The following TCF7L2 variants were observed in gnomAD, a reference collection of about 807,000 sequenced individuals.
TCF7L2 encodes the protein transcription factor 7 like 2.
TCF7L2 carries 23 observed loss-of-function variants against 77.9 expected under a neutral mutation model. That is an observed-to-expected ratio of 0.30 (90% CI 0.21 to 0.42). The LOEUF (loss-of-function observed/expected upper bound fraction) is 0.42. Ranked by LOEUF, TCF7L2 falls within the 10% of genes least tolerant of loss-of-function variation. TCF7L2 has a pLI of 1.00. For missense variants in TCF7L2, 654 were observed against 793.1 expected, an observed-to-expected ratio of 0.82 and a Z score of 2.11; for synonymous variants, 413 against 340.2, an observed-to-expected ratio of 1.21 and a Z score of -2.36.
At chr10:113,065,746 T>C (rs1404952836) in intron 5 of TCF7L2, among the ~76,000 whole-genome samples, 1 of 152,062 alleles carries the variant, frequency 6.6e-6, no homozygotes, top group East Asian at 1.9e-4. Context: ...ATCTGTAAAG[T>C]AAGGAAAATA....
chr10:113,050,354 G>A (rs2054210298), intron 5 of TCF7L2, among the ~76,000 whole-genome samples: 2 of 152,148 alleles, frequency 1.3e-5, no homozygotes, highest in African/African-American at 4.8e-5. Context: ...GTACAGCCTT[G>A]GGGACTGAGC....
At chr10:113,122,404 G>C (rs1191993377) in intron 5 of TCF7L2, among the ~76,000 whole-genome samples, 1 of 152,174 alleles carries the variant, frequency 6.6e-6, no homozygotes, top group Non-Finnish European at 1.5e-5. Context: ...TAAAAAACTT[G>C]TTAGATTAAA....
intron 1 of TCF7L2, 21 bp from the exon 2 acceptor site, chr10:112,951,186 C>T (rs757049118): frequency 1.5e-5 from 23 of 1,579,636 alleles, no homozygotes; most frequent in Non-Finnish European, 1.8e-5. Context: ...TCGCCCTCCC[C>T]ACCTCCACCC....
At chr10:113,132,014 T>C (rs946268363) in intron 5 of TCF7L2, 2 of 152,252 alleles carry the variant, frequency 1.3e-5, no homozygotes, top group African/African-American at 4.8e-5. Context: ...GTGTTATTTA[T>C]TCTGGCTGTA....
chr10:112,956,098 C>A (rs886884518), intron 3 of TCF7L2, among the ~76,000 whole-genome samples: 1 of 152,044 alleles, frequency 6.6e-6, no homozygotes, highest in African/African-American at 2.4e-5. Context: ...ACAGGCCCCC[C>A]TGAATCACAT....
At position 112,950,444 on chromosome 10, in the gene TCF7L2, TTGG is replaced by T. The variant is rs1426519332; in HGVS notation, c.-310_-308del. ...CTTTATATCTGACTTCTTGTTGTTG[TTGG>T]TGTTTTTTTTTTTTTTACCCCCCTT... On this transcript the variant is annotated 5_prime_UTR_variant, in exon 1 of 14. Coordinates refer to ENST00000627217, the MANE Select transcript of TCF7L2 (RefSeq NM_001146274.2). 21 of 246,286 alleles carry T rather than the reference TTGG, an allele frequency of 8.5e-5. No homozygotes were observed. Among genetic ancestry groups the T allele is most frequent in the African/African-American group, 1.9e-4 (8 of 42,372 alleles). The allele number at this position is 246,286 out of a possible 1,614,324, so 15.3% of individuals were successfully genotyped here. A position where few individuals can be genotyped will look rare whatever the true frequency, so the allele number is the denominator to read the frequency against.
intron 5 of TCF7L2, among the ~76,000 whole-genome samples, chr10:113,061,796 G>C (rs1000646795): frequency 3.3e-5 from 5 of 152,172 alleles, no homozygotes; most frequent in Admixed American, 6.5e-5. Context: ...GTTCGCTGGC[G>C]AACGCACTAG....
Position 113,155,462 on chromosome 10 carries a change from C to T in TCF7L2, c.1270-2559C>T, listed in dbSNP as rs117043639. Among the ~76,000 whole-genome samples, 98 of 152,256 alleles carry T rather than the reference C, an allele frequency of 6.4e-4. 1 individual carries two copies. The East Asian group carries it at 0.018, about 28-fold the overall frequency. On this transcript the variant is annotated intron_variant, in intron 11 of 13. Coordinates refer to ENST00000627217, the MANE Select transcript of TCF7L2 (RefSeq NM_001146274.2). Reference sequence around the variant, plus strand: ...CTCTTCACTAAGTGTAGGGTTTATCCACTTTCTCATGTCTTCTTTTTATTA... The same window carrying T: ...CTCTTCACTAAGTGTAGGGTTTATCTACTTTCTCATGTCTTCTTTTTATTA...
At chr10:113,157,983 T>A (rs2137359758) in intron 11 of TCF7L2, 38 bp from the exon 12 acceptor site, 2 of 1,561,206 alleles carry the variant, frequency 1.3e-6, no homozygotes, top group Non-Finnish European at 1.7e-6. Flanking sequence ...CACATCTGTT[T>A]CTTGCAGTAA....
At chr10:112,972,749 G>A (rs2038556267) in intron 4 of TCF7L2, among the ~76,000 whole-genome samples, 1 of 152,196 alleles carries the variant, frequency 6.6e-6, no homozygotes, top group Admixed American at 6.5e-5. Flanking sequence ...GGGATTACAG[G>A]CGTGATCCAC....
intron 3 of TCF7L2, among the ~76,000 whole-genome samples, chr10:112,952,029 C>T (rs1410757575): frequency 6.6e-6 from 1 of 152,056 alleles, no homozygotes; most frequent in South Asian, 2.1e-4. Context: ...TCCTTCTCTT[C>T]CTTCCCTCTT....
intron 4 of TCF7L2, chr10:112,987,582 A>G (rs2041793716): frequency 6.6e-6 from 1 of 152,150 alleles, no homozygotes; most frequent in African/African-American, 2.4e-5. Flanking sequence ...AGAGTCGTCC[A>G]GTTTCTAAGT....
intron 4 of TCF7L2, among the ~76,000 whole-genome samples, chr10:112,973,110 T>A (rs1421586736): frequency 2.0e-5 from 3 of 152,128 alleles, no homozygotes; most frequent in Admixed American, 2.0e-4. Context: ...CCTTGGAGAT[T>A]CTCATTTAGG....
rs116642770 is a variant in TCF7L2, at chr10:113,064,071, C to T, written c.552+23945C>T. Among the ~76,000 whole-genome samples the T allele has an allele frequency of 6.2e-3, 942 of 152,250 alleles. 9 individuals are homozygous for T. The highest frequency in any genetic ancestry group is 0.021 in the African/African-American group (874 of 41,548). On this transcript the variant is annotated intron_variant, in intron 5 of 13. Coordinates refer to ENST00000627217, the MANE Select transcript of TCF7L2 (RefSeq NM_001146274.2). The stretch of plus-strand genomic sequence containing the variant: ...TGGTATTTGGAGAGATTGTTAAGAG[C>T]TTGCTGGAGTCAGGTGGAGTCCCTG...
chr10:113,150,495 C>T (rs1446631978), intron 8 of TCF7L2, among the ~76,000 whole-genome samples: 1 of 152,178 alleles, frequency 6.6e-6, no homozygotes, highest in East Asian at 1.9e-4. Context: ...TTGTATTGCA[C>T]TTCATCAACA....
At chr10:113,053,682 T>C (rs540999177) in intron 5 of TCF7L2, among the ~76,000 whole-genome samples, 4 of 152,358 alleles carry the variant, frequency 2.6e-5, no homozygotes, top group Admixed American at 2.6e-4. Context: ...GTTACAGAAC[T>C]GATGCCTTGA....
intron 5 of TCF7L2, among the ~76,000 whole-genome samples, chr10:113,127,963 T>C (rs11196236): frequency 0.16 from 24,701 of 151,108 alleles, 2,460 homozygotes; most frequent in Middle Eastern, 0.32. Flanking sequence ...CCGCACTTTA[T>C]AAGTTATTGT....
Position 113,162,284 on chromosome 10 carries a change from G to A in TCF7L2, c.1391+1593G>A, listed in dbSNP as rs138081094. Among the ~76,000 whole-genome samples the A allele has an allele frequency of 7.3e-4, 111 of 152,246 alleles. 1 individual carries two copies. The highest frequency in any genetic ancestry group is 2.6e-3 in the African/African-American group (108 of 41,518). On this transcript the variant is annotated intron_variant, in intron 13 of 13. Coordinates refer to ENST00000627217, the MANE Select transcript of TCF7L2 (RefSeq NM_001146274.2). Reference sequence around the variant, plus strand: ...ATTGTGTGCTCCTCACAATAAGGCCGGTTCAGGTACCTAGTTTGTTTATTT... The same window carrying A: ...ATTGTGTGCTCCTCACAATAAGGCCAGTTCAGGTACCTAGTTTGTTTATTT...
chr10:113,094,089 G>A (rs1458432999), intron 5 of TCF7L2, among the ~76,000 whole-genome samples: 2 of 152,172 alleles, frequency 1.3e-5, no homozygotes, highest in East Asian at 1.9e-4. Flanking sequence ...GTGTGTGCGC[G>A]TGCACGCGCA....
Sources: gnomAD v4.1 joint callset for allele counts (sites outside exome capture counted in the v4.1 genomes callset) on GRCh38, gnomAD v4.1.1 for gene constraint, MANE v1.5 for transcripts, NCBI Gene and HGNC (gene_info 2026-07-23, HGNC 2026-07-21) for gene names.